Variants in ROBO1 observed in about 807,000 individuals in gnomAD.
ROBO1 encodes the protein roundabout homolog 1.
A neutral mutation model predicts 195.9 loss-of-function variants in ROBO1; 149 were observed. The observed-to-expected ratio is 0.76, with a 90% CI of 0.67 to 0.87. ROBO1 has a LOEUF of 0.87. ROBO1 is among the 40% of genes least tolerant of loss of function. The probability of loss-of-function intolerance (pLI) is 0.00; values close to 1 mark genes in which losing one functional copy is unlikely to be tolerated. For synonymous variants in ROBO1, 816 were observed against 733.2 expected, an observed-to-expected ratio of 1.11 and a Z score of -1.82; for missense variants, 1,933 against 2,068.3, an observed-to-expected ratio of 0.93 and a Z score of 1.27.
chr3:79,474,082 T>G (rs1267170502), intron 2 of ROBO1, among the ~76,000 whole-genome samples: 1 of 152,158 alleles, frequency 6.6e-6, no homozygotes, highest in African/African-American at 2.4e-5. Context: ...GACAGTGACC[T>G]GTTCAAGCTT....
intron 2 of ROBO1, among the ~76,000 whole-genome samples, chr3:79,252,418 C>T (rs556582971): frequency 9.2e-5 from 14 of 152,158 alleles, no homozygotes; most frequent in African/African-American, 2.6e-4. Flanking sequence ...TAAGCTGTCA[C>T]GAACTAAGGA....
intron 5 of ROBO1, among the ~76,000 whole-genome samples, chr3:78,720,446 A>T (rs976857192): frequency 2.0e-5 from 3 of 152,220 alleles, no homozygotes; most frequent in African/African-American, 7.2e-5. Context: ...AGGAAACAAC[A>T]GGTGCTGGAG....
At chr3:79,014,486 G>T (rs1345357643) in intron 3 of ROBO1, among the ~76,000 whole-genome samples, 4 of 152,090 alleles carry the variant, frequency 2.6e-5, no homozygotes, top group Non-Finnish European at 4.4e-5. Flanking sequence ...AAAAGAAAAA[G>T]AAATCCACTG....
chr3:79,354,072 T>C lies in ROBO1; in HGVS notation c.89-228533A>G, dbSNP rs1296129802. ...AAAAAAAAAAAAAGTTATTAAGTTA[T>C]TGTAATAGTTTAGGAAGGGCACTAT... On this transcript the variant is annotated intron_variant, in intron 2 of 30. Coordinates refer to ENST00000464233, the MANE Select transcript of ROBO1 (RefSeq NM_002941.4). Among the ~76,000 whole-genome samples the C allele has an allele frequency of 2.0e-5, 3 of 152,050 alleles. No individual in the cohort carries two copies. In the East Asian group the frequency reaches 5.8e-4, roughly 29 times the overall value.
At chr3:79,320,617 C>T (rs940621697) in intron 2 of ROBO1, among the ~76,000 whole-genome samples, 1 of 152,098 alleles carries the variant, frequency 6.6e-6, no homozygotes, top group East Asian at 1.9e-4. Flanking sequence ...ATCTTTAATA[C>T]CATCACATTG....
intron 2 of ROBO1, among the ~76,000 whole-genome samples, chr3:79,317,688 C>A (rs2033796832): frequency 1.3e-5 from 2 of 152,090 alleles, no homozygotes; most frequent in African/African-American, 4.8e-5. Flanking sequence ...TCCTAATACT[C>A]TTCTATCCCC....
At chr3:79,308,580 G>T (rs1320236661) in intron 2 of ROBO1, among the ~76,000 whole-genome samples, 1 of 152,124 alleles carries the variant, frequency 6.6e-6, no homozygotes, top group Non-Finnish European at 1.5e-5. Flanking sequence ...GGAGAGAAAT[G>T]CATGGTGAAA....
Position 79,589,884 on chromosome 3 carries a change from C to A in ROBO1, c.28G>T (p.Val10Phe). 6.2e-7 allele frequency: 1 copy of A among 1,610,412 alleles called. No homozygotes were observed. The highest frequency in any genetic ancestry group is 1.1e-5 in the South Asian group (1 of 90,904). ...GATAAGCTGAGGAGTGATATCATGA[C>A]CAAAAAAGGAACATGTTTCCATTTC... is the stretch of plus-strand genomic sequence containing the variant. MKWKHVPFL[V>F]MISLLSLSPN... is the part of the protein sequence containing the mutation. The change falls in exon 2 of 31, where the codon GTC becomes TTC. Residue 10 changes from valine (V) to phenylalanine (F), a missense_variant. Around this residue, in one of 3 missense-constraint regions of ROBO1, gnomAD observed 185 missense variants for 159.5 expected, o/e 1.16. Transcript: ENST00000464233.
intron 4 of ROBO1, among the ~76,000 whole-genome samples, chr3:78,826,310 C>T (rs1389516045): frequency 6.6e-6 from 1 of 152,072 alleles, no homozygotes; most frequent in Non-Finnish European, 1.5e-5. Context: ...CTTAAATGAA[C>T]TTTTTGTTTA....
intron 3 of ROBO1, among the ~76,000 whole-genome samples, chr3:79,086,352 T>C (rs2079370326): frequency 6.6e-6 from 1 of 152,142 alleles, no homozygotes; most frequent in Non-Finnish European, 1.5e-5. Flanking sequence ...AGCTCTTGTC[T>C]TTTTAAAAAG....
intron 2 of ROBO1, among the ~76,000 whole-genome samples, chr3:79,313,318 C>G (rs868836461): frequency 2.8e-4 from 42 of 152,178 alleles, no homozygotes; most frequent in African/African-American, 9.6e-4. Flanking sequence ...TATGCCTTTT[C>G]CTGGGTAATT....
chr3:79,074,467 T>C (rs557531330), intron 3 of ROBO1, among the ~76,000 whole-genome samples: 1 of 152,010 alleles, frequency 6.6e-6, no homozygotes, highest in African/African-American at 2.4e-5. Context: ...GTTGCCTAGC[T>C]TGGAGTTCAA....
chr3:79,078,833 A>C (rs1241616418), intron 3 of ROBO1, among the ~76,000 whole-genome samples: 3 of 151,782 alleles, frequency 2.0e-5, no homozygotes, highest in African/African-American at 7.2e-5. Flanking sequence ...AGCTAGATTC[A>C]AGATCAATCA....
chr3:79,434,382 C>A (rs2038802064), intron 2 of ROBO1, among the ~76,000 whole-genome samples: 1 of 152,156 alleles, frequency 6.6e-6, no homozygotes, highest in Non-Finnish European at 1.5e-5. Flanking sequence ...AAAAAGTAAA[C>A]AACACCTTCA....
intron 2 of ROBO1, among the ~76,000 whole-genome samples, chr3:79,377,722 C>A (rs973692419): frequency 1.3e-5 from 2 of 152,190 alleles, no homozygotes; most frequent in Non-Finnish European, 2.9e-5. Context: ...CAGCCAAGAA[C>A]TGTTCCTGCT....
At chr3:78,666,483 A>G (rs894271296) in intron 14 of ROBO1, among the ~76,000 whole-genome samples, 3 of 152,194 alleles carry the variant, frequency 2.0e-5, no homozygotes, top group African/African-American at 4.8e-5. Context: ...TACTGGCTGG[A>G]GACCACTGTA....
At chr3:79,563,948 T>G (rs962629802) in intron 2 of ROBO1, among the ~76,000 whole-genome samples, 9 of 151,930 alleles carry the variant, frequency 5.9e-5, no homozygotes, top group African/African-American at 2.2e-4. Flanking sequence ...TTATGTAAAT[T>G]GACTCTAATA....
At chr3:79,595,717 CTTT>C (rs1279926039) in intron 1 of ROBO1, among the ~76,000 whole-genome samples, 1 of 147,846 alleles carries the variant, frequency 6.8e-6, no homozygotes, top group Non-Finnish European at 1.5e-5. Context: ...TTCTCTTTTT[CTTT>C]TTACTTTTTT....
At chr3:78,949,471 A>T (rs2107762655) in intron 3 of ROBO1, among the ~76,000 whole-genome samples, 1 of 152,110 alleles carries the variant, frequency 6.6e-6, no homozygotes, top group South Asian at 2.1e-4. Context: ...TAGAAAGCTG[A>T]AACTGGATCC....
Sources: gnomAD v4.1 joint callset for allele counts (sites outside exome capture counted in the v4.1 genomes callset) on GRCh38, gnomAD v4.1.1 for gene constraint, gnomAD v4.1.1 regional missense constraint, MANE v1.5 for transcripts, NCBI Gene and HGNC (gene_info 2026-07-23, HGNC 2026-07-21) for gene names.